Variants in MCPH1 observed in about 807,000 individuals in gnomAD.
The protein encoded by MCPH1 is microcephalin 1, also known as microcephalin.
MCPH1 carries 104 observed loss-of-function variants against 84.5 expected under a neutral mutation model. The observed-to-expected ratio is 1.23, with a 90% CI of 1.05 to 1.45. The LOEUF (loss-of-function observed/expected upper bound fraction) is 1.45, where lower values mean the gene tolerates loss of function less well. Ranked by LOEUF, MCPH1 falls within the 40% of genes most tolerant of loss-of-function variation. The probability of loss-of-function intolerance (pLI) is 0.00; values close to 1 mark genes in which losing one functional copy is unlikely to be tolerated. For synonymous variants in MCPH1, 514 were observed against 366.8 expected (o/e 1.40, Z -4.58); for missense variants, 1,498 against 1,005.7 (o/e 1.49, Z -6.62).
At chr8:6,438,651 C>A (rs901111262) in intron 5 of MCPH1, among the ~76,000 whole-genome samples, 1 of 152,158 alleles carries the variant, frequency 6.6e-6, no homozygotes, top group Non-Finnish European at 1.5e-5. Context: ...GTGTCTCAGT[C>A]TTTGTCTTCA....
intron 2 of MCPH1, among the ~76,000 whole-genome samples, chr8:6,414,285 G>A (rs948437162): frequency 1.2e-4 from 19 of 152,358 alleles, no homozygotes; most frequent in Non-Finnish European, 2.1e-4. Context: ...TGGGATTACA[G>A]GCATGAGCCA....
chr8:6,505,220 T>A, intron 12 of MCPH1, among the ~76,000 whole-genome samples: 1 of 83,570 alleles, frequency 1.2e-5, no homozygotes, highest in Non-Finnish European at 2.2e-5. Context: ...TATATATATA[T>A]ATTCTTATGT....
Position 6,480,752 on chromosome 8 carries a change from A to T in MCPH1, c.2012A>T (p.Lys671Ile), listed in dbSNP as rs1809113394. The T allele has an allele frequency of 6.2e-7, 1 of 1,614,076 alleles. No homozygotes were observed. Among genetic ancestry groups the T allele is most frequent in the African/African-American group, 1.3e-5 (1 of 74,918 alleles). Residue 671 changes from lysine to isoleucine, a missense_variant, in exon 11 of 14, where the codon AAA (lysine) becomes ATA (isoleucine). By Grantham distance (102) the Lys-to-Ile change is moderately radical (BLOSUM62 -3). Transcript: ENST00000344683. ...GTCATCCAGGTTGTGGATAAATTGAAAGGCTTTTCAATTGCACCAGACGTC... is the reference window on the plus strand; with the variant it reads ...GTCATCCAGGTTGTGGATAAATTGATAGGCTTTTCAATTGCACCAGACGTC... ...NVVIQVVDKLKGFSIAPDVCE... is the reference protein window; with the variant it reads ...NVVIQVVDKLIGFSIAPDVCE...
intron 12 of MCPH1, among the ~76,000 whole-genome samples, chr8:6,504,478 A>G (rs1812873648): frequency 6.6e-6 from 1 of 152,130 alleles, no homozygotes; most frequent in African/African-American, 2.4e-5. Flanking sequence ...CTGATCACTT[A>G]GTAGCTGTCT....
chr8:6,452,645 G>A (rs1292428975), intron 8 of MCPH1, among the ~76,000 whole-genome samples: 1 of 152,186 alleles, frequency 6.6e-6, no homozygotes, highest in Non-Finnish European at 1.5e-5. Context: ...TTGAAGATGG[G>A]GGCTTCATGA....
rs747765735 is a variant in MCPH1 at position 6,444,881 on chromosome 8, C to T, written c.1159C>T (p.Leu387=). ...GAGATCTATCATGCCGAGGCTGCAG[C>T]TGTGCAGGTCGGAAGACAGGCTGCA... ...TRRSIMPRLQ[L]CRSEDRLQHV... The change falls in exon 8 of 14, where the codon CTG becomes TTG. Residue 387 remains leucine (L), a synonymous_variant. Transcript: ENST00000344683. 7 of 1,614,116 alleles carry T rather than the reference C, an allele frequency of 4.3e-6. No individual in the cohort carries two copies. Among genetic ancestry groups the T allele is most frequent in the South Asian group, 2.2e-5 (2 of 91,084 alleles).
chr8:6,583,811 G>A (rs1827758530), intron 12 of MCPH1, among the ~76,000 whole-genome samples: 1 of 132,338 alleles, frequency 7.6e-6, no homozygotes, highest in African/African-American at 2.7e-5. Flanking sequence ...TGGTCTCGGA[G>A]TCTTTTTTTT....
intron 12 of MCPH1, among the ~76,000 whole-genome samples, chr8:6,558,307 T>G (rs1824979473): frequency 6.6e-6 from 1 of 152,248 alleles, no homozygotes; most frequent in Non-Finnish European, 1.5e-5. Context: ...ATTTCCACCA[T>G]TTTAATAGCC....
chr8:6,579,769 G>A (rs1157952157), intron 12 of MCPH1, among the ~76,000 whole-genome samples: 1 of 152,170 alleles, frequency 6.6e-6, no homozygotes, highest in Non-Finnish European at 1.5e-5. Context: ...GTCGCCAGAG[G>A]TCACAGGAGG....
chr8:6,536,560 T>G (rs542197783), intron 12 of MCPH1, among the ~76,000 whole-genome samples: 1 of 152,286 alleles, frequency 6.6e-6, no homozygotes, highest in South Asian at 2.1e-4. Context: ...CAATGCCAAT[T>G]CTATCTTCTG....
chr8:6,536,248 C>A (rs924811991), intron 12 of MCPH1, among the ~76,000 whole-genome samples: 36 of 152,170 alleles, frequency 2.4e-4, no homozygotes, highest in South Asian at 1.5e-3. Flanking sequence ...GGTACTGTTT[C>A]TTGGTTGCCG....
chr8:6,475,236 G>A (rs1294927665), intron 9 of MCPH1, among the ~76,000 whole-genome samples: 1 of 152,216 alleles, frequency 6.6e-6, no homozygotes, highest in Non-Finnish European at 1.5e-5. Context: ...TAATGACCCT[G>A]CCCTAACAGC....
chr8:6,430,122 A>G (rs1203268126), intron 3 of MCPH1, among the ~76,000 whole-genome samples: 1 of 152,114 alleles, frequency 6.6e-6, no homozygotes, highest in East Asian at 1.9e-4. Flanking sequence ...GAGTCTGGTG[A>G]TCATCTCTGA....
At chr8:6,488,806 G>A (rs542188727) in intron 11 of MCPH1, among the ~76,000 whole-genome samples, 15 of 152,220 alleles carry the variant, frequency 9.9e-5, no homozygotes, top group African/African-American at 3.6e-4. Context: ...AGAATGGATT[G>A]CAGGGAGGTA....
chr8:6,418,457 T>C (rs1799634742), intron 3 of MCPH1, among the ~76,000 whole-genome samples: 1 of 152,238 alleles, frequency 6.6e-6, no homozygotes, highest in Non-Finnish European at 1.5e-5. Context: ...TATTTGTATA[T>C]TGGTTTGTTA....
intron 12 of MCPH1, 170 bp downstream of exon 12, chr8:6,500,099 A>T (rs1811855944): frequency 3.1e-6 from 2 of 648,656 alleles, no homozygotes; most frequent in Non-Finnish European, 5.5e-6. Flanking sequence ...GCGAGAACAA[A>T]TGTGAGAACG....
chr8:6,491,020 A>G (rs1810507536), intron 11 of MCPH1, among the ~76,000 whole-genome samples: 1 of 148,128 alleles, frequency 6.8e-6, no homozygotes, highest in Non-Finnish European at 1.5e-5. Flanking sequence ...TTAAATTTTT[A>G]GAATATTAAA....
chr8:6,499,642 T>A, intron 11 of MCPH1: 1 of 520,258 alleles, frequency 1.9e-6, no homozygotes, highest in Non-Finnish European at 3.4e-6. Flanking sequence ...TTTCTTGTTA[T>A]CGTGAGACTT....
intron 12 of MCPH1, chr8:6,502,980 C>G: frequency 1.7e-6 from 2 of 1,196,260 alleles, no homozygotes; most frequent in Non-Finnish European, 2.4e-6. Flanking sequence ...TGGGTCCCGT[C>G]AGCACCGAGC....
Sources: allele counts gnomAD v4.1 joint callset (sites outside exome capture counted in the v4.1 genomes callset), GRCh38; gene constraint gnomAD v4.1.1; transcripts MANE v1.5; gene names NCBI Gene and HGNC (gene_info 2026-07-23, HGNC 2026-07-21).